The following FBXW2 variants were observed in gnomAD, a reference collection of about 807,000 sequenced individuals.
FBXW2 encodes F-box and WD repeat domain containing 2.
A neutral mutation model predicts 46.0 loss-of-function variants in FBXW2; 12 were observed. The observed-to-expected ratio is 0.26, with a 90% CI of 0.17 to 0.42. The LOEUF is 0.42. FBXW2 is among the 10% of genes least tolerant of loss of function. The pLI is 1.00. For missense variants in FBXW2, 360 were observed against 537.0 expected (o/e 0.67, Z 3.26); for synonymous variants, 203 against 209.6 (o/e 0.97, Z 0.27).
chr9:120,757,168 A>AT lies in FBXW2; in HGVS notation c.*7390_*7391insA. ...TTCTCTCTAGTCCCCTCCCCCATAA[A>AT]AATGTTGTCATGTGTTAAAGAAATG... On this transcript the variant is annotated 3_prime_UTR_variant, in exon 8 of 8. Transcript: ENST00000608872. The AT allele has an allele frequency of 1.3e-5, 1 of 79,502 alleles. No homozygotes were observed. The highest frequency in any genetic ancestry group is 3.2e-5 in the Non-Finnish European group (1 of 31,424). 4.9% of individuals were successfully genotyped at this position (79,502 alleles called of 1,614,324 possible). A position where few individuals can be genotyped will look rare whatever the true frequency, so the allele number is the denominator to read the frequency against.
chr9:120,768,580 A>G (rs913059601), intron 7 of FBXW2, among the ~76,000 whole-genome samples: 1 of 152,144 alleles, frequency 6.6e-6, no homozygotes, highest in Non-Finnish European at 1.5e-5. Flanking sequence ...TAATCCCAGC[A>G]CTTTGGGAGG....
intron 6 of FBXW2, among the ~76,000 whole-genome samples, 169 bp from the exon 7 acceptor site, chr9:120,771,686 T>G (rs1182081690): frequency 1.3e-5 from 2 of 152,192 alleles, no homozygotes; most frequent in African/African-American, 2.4e-5. Context: ...TCCTGTGCAA[T>G]CTTGGGTAAA....
chr9:120,782,172 G>A (rs1336784653), intron 3 of FBXW2, among the ~76,000 whole-genome samples: 1 of 150,898 alleles, frequency 6.6e-6, no homozygotes, highest in Non-Finnish European at 1.5e-5. Flanking sequence ...CAAATTCATA[G>A]AAAGTAGAAT....
chr9:120,768,684 T>C (rs2044318346), intron 7 of FBXW2, among the ~76,000 whole-genome samples: 1 of 152,032 alleles, frequency 6.6e-6, no homozygotes, highest in African/African-American at 2.4e-5. Flanking sequence ...TAGCTGGGCA[T>C]CATGGCAGGT....
At chr9:120,778,263 TAAA>T in intron 4 of FBXW2, 85 bp downstream of exon 4, 10 of 1,033,098 alleles carry the variant, frequency 9.7e-6, no homozygotes, top group African/African-American at 1.7e-5. Context: ...CAGGTTAAAT[TAAA>T]AAAAAAAAAG....
At position 120,771,403 on chromosome 9, in the gene FBXW2, A is replaced by T; in HGVS notation, c.1021T>A (p.Cys341Ser). The T allele has an allele frequency of 1.2e-6, 2 of 1,614,222 alleles. No individual in the cohort carries two copies. Among genetic ancestry groups the T allele is most frequent in the Non-Finnish European group, 1.7e-6 (2 of 1,180,036 alleles). The change falls in exon 7 of 8, where the codon TGT (cysteine) becomes AGT (serine). Residue 341 changes from cysteine (C) to serine (S), a missense_variant. Coordinates refer to ENST00000608872, the MANE Select transcript of FBXW2 (RefSeq NM_012164.4). ...TGGTAGAGACCAAGTGCTGAACTACAGACAATGTATTTGCCATCAAAATGA... is the reference window on the plus strand; with the variant it reads ...TGGTAGAGACCAAGTGCTGAACTACTGACAATGTATTTGCCATCAAAATGA... Reference protein sequence around the residue: ...RLHFDGKYIVCSSALGLYQWD... With the variant: ...RLHFDGKYIVSSSALGLYQWD...
chr9:120,782,193 G>A lies in FBXW2; in HGVS notation c.491-3648C>T, dbSNP rs577446722. ...CATAGAAAGTAGAATGGTGGGCCAG[G>A]CATGGTGGCTCATGCCTGTAATCCC... On this transcript the variant is annotated intron_variant, in intron 3 of 7. Coordinates refer to ENST00000608872, the MANE Select transcript of FBXW2 (RefSeq NM_012164.4). 6.6e-5 allele frequency among the ~76,000 whole-genome samples: 10 copies of A among 152,064 alleles called. No individual in the cohort carries two copies. The South Asian group carries it at 8.3e-4, about 13-fold the overall frequency.
rs1377348841 is a variant in FBXW2 at position 120,762,435 on chromosome 9, TC to T, written c.*2123del. The T allele has an allele frequency of 1.7e-4, 26 of 152,194 alleles. No homozygotes were observed. Among genetic ancestry groups the T allele is most frequent in the Admixed American group, 1.7e-3 (26 of 15,276 alleles). The allele number at this position is 152,194 out of a possible 1,614,324, so 9.4% of individuals were successfully genotyped here. A position where few individuals can be genotyped will look rare whatever the true frequency, so the allele number is the denominator to read the frequency against. ...TCTGCAAAATAGATTCAGTTGTGAT[TC>T]CGGTTCTATTTCTAGAGTACTAAGC... is the stretch of plus-strand genomic sequence containing the variant. On this transcript the variant is annotated 3_prime_UTR_variant, in exon 8 of 8. Coordinates refer to ENST00000608872, the MANE Select transcript of FBXW2 (RefSeq NM_012164.4).
rs2044220605 is a variant in FBXW2 at position 120,763,057 on chromosome 9, C to T, written c.*1502G>A. Reference sequence around the variant, plus strand: ...ACCCAGGGACATGTTTTGTTTGGCTCACCTTATTTCAAATTTTCTTTAATC... The same window carrying T: ...ACCCAGGGACATGTTTTGTTTGGCTTACCTTATTTCAAATTTTCTTTAATC... On this transcript the variant is annotated 3_prime_UTR_variant, in exon 8 of 8. Coordinates refer to ENST00000608872, the MANE Select transcript of FBXW2 (RefSeq NM_012164.4). The T allele has an allele frequency of 6.6e-6, 1 of 152,202 alleles. No individual in the cohort carries two copies. The highest frequency in any genetic ancestry group is 1.5e-5 in the Non-Finnish European group (1 of 68,038). 9.4% of individuals were successfully genotyped at this position (152,202 alleles called of 1,614,324 possible). A position where few individuals can be genotyped will look rare whatever the true frequency, so the allele number is the denominator to read the frequency against.
intron 5 of FBXW2, among the ~76,000 whole-genome samples, chr9:120,774,420 G>C (rs1457039673): frequency 1.3e-5 from 2 of 151,818 alleles, no homozygotes; most frequent in Non-Finnish European, 2.9e-5. Flanking sequence ...GCTGAGGTGA[G>C]AGGATCACTT....
Position 120,764,621 on chromosome 9 carries a change from C to G in FBXW2, c.1303G>C (p.Val435Leu). The G allele has an allele frequency of 1.2e-6, 2 of 1,614,230 alleles. No individual in the cohort carries two copies. The highest frequency in any genetic ancestry group is 1.7e-6 in the Non-Finnish European group (2 of 1,180,048). Residue 435 changes from valine to leucine, a missense_variant, in exon 8 of 8, where the codon GTC (valine) becomes CTC (leucine). Val to Leu is a conservative substitution (Grantham distance 32). Transcript: ENST00000608872. Reference protein sequence around the residue: ...GLDGHNDTGLVFATSMPDHSI... With the variant: ...GLDGHNDTGLLFATSMPDHSI... Reference sequence around the variant, plus strand: ...TGGTCAGGCATGCTGGTGGCAAAGACCAAGCCCGTGTCATTGTGCCCATCC... The same window carrying G: ...TGGTCAGGCATGCTGGTGGCAAAGAGCAAGCCCGTGTCATTGTGCCCATCC...
Position 120,764,515 on chromosome 9 carries a change from C to A in FBXW2, c.*44G>T. Reference sequence around the variant, plus strand: ...CCGCAGAGGTTGCACCCAAAACCCGCAGCCCCGGCACCCAAAGTCAGTCAG... The same window carrying A: ...CCGCAGAGGTTGCACCCAAAACCCGAAGCCCCGGCACCCAAAGTCAGTCAG... On this transcript the variant is annotated 3_prime_UTR_variant, in exon 8 of 8. Transcript: ENST00000608872. 6.3e-7 allele frequency: 1 copy of A among 1,583,386 alleles called. No individual in the cohort carries two copies. Among genetic ancestry groups the A allele is most frequent in the South Asian group, 1.1e-5 (1 of 88,024 alleles).
chr9:120,772,237 G>A (rs1034793533), intron 6 of FBXW2, among the ~76,000 whole-genome samples: 5 of 151,976 alleles, frequency 3.3e-5, no homozygotes, highest in Admixed American at 1.3e-4. Flanking sequence ...GCTCATGCCT[G>A]TAATTCCAGC....
Position 120,793,231 on chromosome 9 carries a change from G to A in FBXW2, c.-103C>T. Reference sequence around the variant, plus strand: ...CTCGGACCGCCAGAGCCTTGCAGCGGCCGGGTCCGCTCCGCAGCCATGGCG... The same window carrying A: ...CTCGGACCGCCAGAGCCTTGCAGCGACCGGGTCCGCTCCGCAGCCATGGCG... On this transcript the variant is annotated 5_prime_UTR_variant, in exon 2 of 8. Coordinates refer to ENST00000608872, the MANE Select transcript of FBXW2 (RefSeq NM_012164.4). The A allele has an allele frequency of 3.9e-6, 2 of 518,498 alleles. No homozygotes were observed. Among genetic ancestry groups the A allele is most frequent in the South Asian group, 2.9e-5 (1 of 34,848 alleles). 32.1% of individuals were successfully genotyped at this position (518,498 alleles called of 1,614,324 possible).
chr9:120,792,685 T>A (rs1481648327), intron 2 of FBXW2, among the ~76,000 whole-genome samples: 2 of 152,214 alleles, frequency 1.3e-5, no homozygotes, highest in African/African-American at 2.4e-5. Context: ...ACCTGTCTCA[T>A]GCCCTGTTTC....
At chr9:120,766,048 A>C (rs886381223) in intron 7 of FBXW2, among the ~76,000 whole-genome samples, 1 of 152,198 alleles carries the variant, frequency 6.6e-6, no homozygotes, top group African/African-American at 2.4e-5. Flanking sequence ...CCAGACAAGC[A>C]GTAGACAAAT....
At chr9:120,773,738 A>G (rs2044430001) in intron 5 of FBXW2, among the ~76,000 whole-genome samples, 1 of 152,220 alleles carries the variant, frequency 6.6e-6, no homozygotes, top group African/African-American at 2.4e-5. Flanking sequence ...TGCTGTCCCA[A>G]CATTTCATTT....
Position 120,762,564 on chromosome 9 carries a change from G to A in FBXW2, c.*1995C>T, listed in dbSNP as rs775350496. 4 of 152,092 alleles carry A rather than the reference G, an allele frequency of 2.6e-5. No homozygotes were observed. The highest frequency in any genetic ancestry group is 5.9e-5 in the Non-Finnish European group (4 of 68,016). 9.4% of individuals were successfully genotyped at this position (152,092 alleles called of 1,614,324 possible). On this transcript the variant is annotated 3_prime_UTR_variant, in exon 8 of 8. Coordinates refer to ENST00000608872, the MANE Select transcript of FBXW2 (RefSeq NM_012164.4). ...CTTAAACCCCACAGAGTTTCAACAT[G>A]GATATTAATGATATCTGTCCTTGAA...
In FBXW2 at chr9:120,762,833, A is replaced by G. The variant is rs1479795124; in HGVS notation, c.*1726T>C. ...TTCCAATTCTTATGTTCATCTTCAAACTACCTTCCTATTGGTCTGTGAATG... is the reference window on the plus strand; with the variant it reads ...TTCCAATTCTTATGTTCATCTTCAAGCTACCTTCCTATTGGTCTGTGAATG... On this transcript the variant is annotated 3_prime_UTR_variant, in exon 8 of 8. Coordinates refer to ENST00000608872, the MANE Select transcript of FBXW2 (RefSeq NM_012164.4). 1 of 152,212 alleles carries G rather than the reference A, an allele frequency of 6.6e-6. No homozygotes were observed. Among genetic ancestry groups the G allele is most frequent in the Non-Finnish European group, 1.5e-5 (1 of 68,048 alleles). The allele number at this position is 152,212 out of a possible 1,614,324, so 9.4% of individuals were successfully genotyped here.
Sources: allele counts gnomAD v4.1 joint callset (sites outside exome capture counted in the v4.1 genomes callset), GRCh38; gene constraint gnomAD v4.1.1; transcripts MANE v1.5; gene names NCBI Gene and HGNC (gene_info 2026-07-23, HGNC 2026-07-21).